The following SRBD1 variants were observed in gnomAD, a reference collection of about 807,000 sequenced individuals.
SRBD1 encodes the protein S1 RNA-binding domain-containing protein 1.
SRBD1 carries 88 observed loss-of-function variants against 115.3 expected under a neutral mutation model. The observed-to-expected ratio is 0.76, with a 90% confidence interval of 0.64 to 0.91. SRBD1 has a LOEUF of 0.91. SRBD1 is among the 40% of genes least tolerant of loss of function. The pLI is 0.00. For synonymous variants in SRBD1, 509 were observed against 407.7 expected (o/e 1.25, Z -2.99); for missense variants, 1,385 against 1,177.4 (o/e 1.18, Z -2.58).
At position 45,437,098 on chromosome 2, in the gene SRBD1, T is replaced by C. The variant is rs1343885674; in HGVS notation, c.2050-17204A>G. On this transcript the variant is annotated intron_variant, in intron 16 of 20. Coordinates refer to ENST00000263736, the MANE Select transcript of SRBD1 (RefSeq NM_018079.5). ...ATAAGAAGAAAACTACAATACTCTA[T>C]TGATAGAAATCAAAGAACTAAGAGG... 3.9e-5 allele frequency among the ~76,000 whole-genome samples: 6 copies of C among 152,260 alleles called. 1 individual carries two copies. Among genetic ancestry groups the C allele is most frequent in the South Asian group, 2.1e-4 (1 of 4,830 alleles).
At chr2:45,570,107 CA>C (rs1194703916) in intron 9 of SRBD1, among the ~76,000 whole-genome samples, 1 of 152,212 alleles carries the variant, frequency 6.6e-6, no homozygotes, top group Non-Finnish European at 1.5e-5. Flanking sequence ...TTGTGTTACA[CA>C]GCAGTTGCGT....
In SRBD1 at chr2:45,402,075, C is replaced by T. The variant is rs541111948; in HGVS notation, c.2514-8946G>A. ...TTCAGTAGAGGCCATTCTTCACTAT[C>T]TGGCTTGACTTATTTTAGCTCCACG... On this transcript the variant is annotated intron_variant, in intron 19 of 20. Transcript: ENST00000263736. Among the ~76,000 whole-genome samples the T allele has an allele frequency of 1.5e-3, 229 of 152,248 alleles. 1 individual carries two copies. The highest frequency in any genetic ancestry group is 5.5e-3 in the African/African-American group (227 of 41,558).
rs572696289 is a variant in SRBD1, at chr2:45,587,846, G to A, written c.649-2072C>T. Among the ~76,000 whole-genome samples the A allele has an allele frequency of 2.0e-5, 3 of 152,158 alleles. No homozygotes were observed. In the East Asian group the frequency reaches 5.8e-4, roughly 29 times the overall value. On this transcript the variant is annotated intron_variant, in intron 4 of 20. Transcript: ENST00000263736. ...TGACACATTCTCTTGGAAATCTAAT[G>A]GGCATCTCAAACCTTGCATTTCCAA...
At chr2:45,488,550 A>G (rs1670192912) in intron 14 of SRBD1, among the ~76,000 whole-genome samples, 1 of 152,246 alleles carries the variant, frequency 6.6e-6, no homozygotes, top group Non-Finnish European at 1.5e-5. Flanking sequence ...ACTTAAATCC[A>G]TAATGAATTC....
intron 16 of SRBD1, among the ~76,000 whole-genome samples, chr2:45,435,574 A>C (rs200495125): frequency 0.28 from 5,154 of 18,102 alleles, 311 homozygotes; most frequent in African/African-American, 0.47. Context: ...AAAAAAAAAC[A>C]AAAAAAAAAA....
At chr2:45,431,400 A>G (rs886299527) in intron 16 of SRBD1, among the ~76,000 whole-genome samples, 20 of 152,300 alleles carry the variant, frequency 1.3e-4, no homozygotes, top group South Asian at 4.1e-4. Context: ...ATGCCCATCA[A>G]TGATAGACTG....
intron 5 of SRBD1, among the ~76,000 whole-genome samples, chr2:45,583,819 T>A (rs1297907887): frequency 6.6e-6 from 1 of 152,206 alleles, no homozygotes; most frequent in African/African-American, 2.4e-5. Flanking sequence ...TGCCCCCACT[T>A]ACTTCAAGGA....
Position 45,599,506 on chromosome 2 carries a change from A to G in SRBD1, c.591T>C (p.Phe197=). 1 of 1,614,228 alleles carries G rather than the reference A, an allele frequency of 6.2e-7. No homozygotes were observed. The highest frequency in any genetic ancestry group is 8.5e-7 in the Non-Finnish European group (1 of 1,180,038). Residue 197 remains phenylalanine, a synonymous_variant, in exon 4 of 21, where the codon TTT becomes TTC. Transcript: ENST00000263736. ...ETYPQGQPVK[F]PANANSTKEE... is the part of the protein sequence containing the mutation. Reference sequence around the variant, plus strand: ...CTTTAGTACTATTGGCATTTGCTGGAAACTTGACAGGCTGCCCCTGAGGAT... The same window carrying G: ...CTTTAGTACTATTGGCATTTGCTGGGAACTTGACAGGCTGCCCCTGAGGAT...
Position 45,601,932 on chromosome 2 carries a change from A to G in SRBD1, c.232T>C (p.Ser78Pro). ...KKNAPQISDG[S>P]EVVVVKEELN... Reference sequence around the variant, plus strand: ...TCCTCCTTAACAACAACGACTTCTGAGCCATCACTGATCTGTGGGGCATTC... The same window carrying G: ...TCCTCCTTAACAACAACGACTTCTGGGCCATCACTGATCTGTGGGGCATTC... The change falls in exon 3 of 21, where the codon TCA becomes CCA. Residue 78 changes from serine (S) to proline (P), a missense_variant. Ser to Pro is a moderately conservative substitution (Grantham distance 74, BLOSUM62 -1). Coordinates refer to ENST00000263736, the MANE Select transcript of SRBD1 (RefSeq NM_018079.5). The G allele has an allele frequency of 6.2e-7, 1 of 1,614,182 alleles. No homozygotes were observed. The highest frequency in any genetic ancestry group is 8.5e-7 in the Non-Finnish European group (1 of 1,180,022).
intron 9 of SRBD1, among the ~76,000 whole-genome samples, chr2:45,570,572 GC>G (rs1230943936): frequency 6.6e-6 from 1 of 152,120 alleles, no homozygotes; most frequent in Non-Finnish European, 1.5e-5. Context: ...TGGTAAGGTA[GC>G]AAAAACTGTC....
chr2:45,545,145 T>G (rs914270719), intron 14 of SRBD1, among the ~76,000 whole-genome samples: 3 of 151,714 alleles, frequency 2.0e-5, no homozygotes, highest in African/African-American at 7.3e-5. Context: ...CCGGGTGTGG[T>G]GGCGGGTGCC....
rs1672714910 is a variant in SRBD1, at chr2:45,562,833, C to T, written c.1306-77G>A. 22 of 855,268 alleles carry T rather than the reference C, an allele frequency of 2.6e-5. 1 individual carries two copies. The South Asian group carries it at 4.2e-4, about 16-fold the overall frequency. 53.0% of individuals were successfully genotyped at this position (855,268 alleles called of 1,614,324 possible). A position where few individuals can be genotyped will look rare whatever the true frequency, so the allele number is the denominator to read the frequency against. On this transcript the variant is annotated intron_variant, in intron 9 of 20. Transcript: ENST00000263736. ...AATCAGGCGACTATGTAGCTGACAG[C>T]TATATGAATTTTTTACTCGTTTATT...
chr2:45,488,886 T>C (rs191689038), intron 14 of SRBD1, among the ~76,000 whole-genome samples: 63 of 151,886 alleles, frequency 4.1e-4, no homozygotes, highest in African/African-American at 1.5e-3. Flanking sequence ...TCAGACAGGA[T>C]GTCATCCGAC....
chr2:45,509,588 TC>T (rs2103919846), intron 14 of SRBD1, among the ~76,000 whole-genome samples: 1 of 113,052 alleles, frequency 8.8e-6, no homozygotes, highest in East Asian at 2.8e-4. Context: ...ACAGCAAGAC[TC>T]CGTCTCAAAA....
At chr2:45,488,713 T>C (rs979442811) in intron 14 of SRBD1, among the ~76,000 whole-genome samples, 7 of 152,244 alleles carry the variant, frequency 4.6e-5, no homozygotes, top group African/African-American at 2.4e-5. Flanking sequence ...CTGACATTTA[T>C]GATTCTTACC....
chr2:45,582,155 A>T (rs371048921), intron 5 of SRBD1, among the ~76,000 whole-genome samples: 2 of 152,304 alleles, frequency 1.3e-5, no homozygotes, highest in African/African-American at 4.8e-5. Flanking sequence ...TTGGCATGCA[A>T]CTACAGTCTC....
chr2:45,556,743 G>A (rs546867363), intron 10 of SRBD1, among the ~76,000 whole-genome samples: 8 of 152,212 alleles, frequency 5.3e-5, no homozygotes, highest in South Asian at 2.1e-4. Context: ...GATTATAGGC[G>A]TGACCCACCA....
chr2:45,393,268 T>A (rs1175282502), intron 19 of SRBD1, 139 bp from the exon 20 acceptor site: 3 of 858,678 alleles, frequency 3.5e-6, no homozygotes, highest in Non-Finnish European at 4.9e-6. Context: ...CTATTATGTG[T>A]CCTGTGCTGT....
chr2:45,467,214 T>C (rs753584470), intron 16 of SRBD1, among the ~76,000 whole-genome samples: 25 of 152,222 alleles, frequency 1.6e-4, no homozygotes, highest in Non-Finnish European at 3.1e-4. Context: ...TTCTCCGCCC[T>C]GGTTGTACAT....
Sources: gnomAD v4.1 joint callset for allele counts (sites outside exome capture counted in the v4.1 genomes callset) on GRCh38, gnomAD v4.1.1 for gene constraint, MANE v1.5 for transcripts, NCBI Gene and HGNC (gene_info 2026-07-23, HGNC 2026-07-21) for gene names.